SIN3A: variants seen among roughly 807,000 people sequenced by gnomAD.
The protein encoded by SIN3A is paired amphipathic helix protein Sin3a.
A neutral mutation model predicts 146.1 loss-of-function variants in SIN3A; 14 were observed. The observed-to-expected ratio is 0.10, with a 90% CI of 0.06 to 0.15. The LOEUF (loss-of-function observed/expected upper bound fraction) is 0.15. Among genes scored for constraint, SIN3A ranks in the 10% least tolerant of loss-of-function variants. The pLI is 1.00. For missense variants in SIN3A, 1,028 were observed against 1,576.0 expected (o/e 0.65, Z 5.89); for synonymous variants, 572 against 572.0 (o/e 1.00, Z 0.00).
intron 2 of SIN3A, among the ~76,000 whole-genome samples, chr15:75,423,784 G>A (rs1010726395): frequency 2.0e-5 from 3 of 152,114 alleles, no homozygotes; most frequent in Admixed American, 6.5e-5. Flanking sequence ...CTTGAGTTCA[G>A]GAGCTTGAGA....
chr15:75,396,504 G>C lies in SIN3A; in HGVS notation c.1855-8C>G, dbSNP rs375523683. 6.3e-7 allele frequency: 1 copy of C among 1,595,632 alleles called. No homozygotes were observed. The highest frequency in any genetic ancestry group is 1.3e-5 in the African/African-American group (1 of 74,448). Reference sequence around the variant, plus strand: ...CTCTAAAACTACATCAAGCTGAAGAGGAAGACAAAGAAGGGTATGCTCAGG... The same window carrying C: ...CTCTAAAACTACATCAAGCTGAAGACGAAGACAAAGAAGGGTATGCTCAGG... On this transcript the variant is annotated splice_polypyrimidine_tract_variant and splice_region_variant and intron_variant, in intron 12 of 20. Coordinates refer to ENST00000394947, the MANE Select transcript of SIN3A (RefSeq NM_001145358.2).
intron 12 of SIN3A, 57 bp downstream of exon 12, chr15:75,399,983 T>C (rs1009865940): frequency 1.1e-6 from 1 of 926,696 alleles, no homozygotes; most frequent in Non-Finnish European, 1.8e-6. Flanking sequence ...CAGGTACTGA[T>C]AGTCTCACTG....
At chr15:75,411,380 A>C (rs1327906832) in intron 6 of SIN3A, 112 bp downstream of exon 6, 1 of 1,160,270 alleles carries the variant, frequency 8.6e-7, no homozygotes, top group East Asian at 2.4e-5. Context: ...GATAGTTTCT[A>C]ACTGGTTAAT....
Position 75,400,950 on chromosome 15 carries a change from C to T in SIN3A, c.1527-10G>A, listed in dbSNP as rs1481681271. Reference sequence around the variant, plus strand: ...CAACTCAGGGAATTTCCTGAAGAATCAAACCAAAAAGTGACAAGCAATTAG... The same window carrying T: ...CAACTCAGGGAATTTCCTGAAGAATTAAACCAAAAAGTGACAAGCAATTAG... On this transcript the variant is annotated splice_polypyrimidine_tract_variant and intron_variant, in intron 10 of 20. Coordinates refer to ENST00000394947, the MANE Select transcript of SIN3A (RefSeq NM_001145358.2). 1 of 1,602,320 alleles carries T rather than the reference C, an allele frequency of 6.2e-7. No individual in the cohort carries two copies. The highest frequency in any genetic ancestry group is 1.1e-5 in the South Asian group (1 of 90,742).
chr15:75,383,223 G>T (rs563192091), intron 17 of SIN3A, among the ~76,000 whole-genome samples: 10 of 148,354 alleles, frequency 6.7e-5, no homozygotes, highest in African/African-American at 2.5e-4. Context: ...AGTGAACCAA[G>T]ATTGCGCCAC....
intron 1 of SIN3A, among the ~76,000 whole-genome samples, chr15:75,442,932 C>CAAAAA (rs34555614): frequency 1.2e-5 from 1 of 84,490 alleles, no homozygotes; most frequent in Non-Finnish European, 2.4e-5. Context: ...AACTCTGTCT[C>CAAAAA]AAAAAAAAAA....
At chr15:75,405,441 T>A (rs751433085) in intron 9 of SIN3A, among the ~76,000 whole-genome samples, 2 of 150,490 alleles carry the variant, frequency 1.3e-5, no homozygotes, top group Non-Finnish European at 3.0e-5. Flanking sequence ...TCAAGTTCAA[T>A]TGTCTAATTA....
chr15:75,406,127 G>T (rs565565713), intron 9 of SIN3A, among the ~76,000 whole-genome samples: 1 of 152,184 alleles, frequency 6.6e-6, no homozygotes, highest in Non-Finnish European at 1.5e-5. Flanking sequence ...GATCAATCCA[G>T]GTTGATTCCT....
Position 75,412,909 on chromosome 15 carries a change from T to G in SIN3A, c.610A>C (p.Thr204Pro). ...GGAATCTGATGAACCTGGCCAGGAGTTGTCACATTCACCATGTCATTGGTT... is the reference window on the plus strand; with the variant it reads ...GGAATCTGATGAACCTGGCCAGGAGGTGTCACATTCACCATGTCATTGGTT... ...VQTNDMVNVTTPGQVHQIPTH... is the reference protein window; with the variant it reads ...VQTNDMVNVTPPGQVHQIPTH... Residue 204 changes from threonine (T) to proline (P), a missense_variant, in exon 5 of 21, where the codon ACT (threonine) becomes CCT (proline). Transcript: ENST00000394947. The G allele has an allele frequency of 1.2e-6, 2 of 1,613,460 alleles. No homozygotes were observed. Among genetic ancestry groups the G allele is most frequent in the Non-Finnish European group, 1.7e-6 (2 of 1,179,822 alleles).
chr15:75,380,926 G>C (rs2072952486), intron 18 of SIN3A: 2 of 512,676 alleles, frequency 3.9e-6, no homozygotes, highest in Admixed American at 3.0e-5. Context: ...ATACTGCTAA[G>C]TTTCTGAGGT....
At chr15:75,399,641 G>GA (rs1424425355) in intron 12 of SIN3A, among the ~76,000 whole-genome samples, 1 of 152,252 alleles carries the variant, frequency 6.6e-6, no homozygotes, top group African/African-American at 2.4e-5. Context: ...ACCATGGCAA[G>GA]ATACTTGCTA....
At chr15:75,415,723 T>C (rs954464063) in intron 3 of SIN3A, among the ~76,000 whole-genome samples, 2 of 151,836 alleles carry the variant, frequency 1.3e-5, no homozygotes, top group East Asian at 1.9e-4. Context: ...TGGTGGCGCA[T>C]GTCTGTAATG....
chr15:75,412,869 T>A lies in SIN3A; in HGVS notation c.650A>T (p.Gln217Leu). ...TTGGGGTGGTGGTTGAGGCTGTGGC[T>A]GGATGCCATGGGTGGGAATCTGATG... ...QVHQIPTHGIQPQPQPPPQHP... is the reference protein window; with the variant it reads ...QVHQIPTHGILPQPQPPPQHP... Residue 217 changes from glutamine (Q) to leucine (L), a missense_variant, in exon 5 of 21, where the codon CAG becomes CTG. Around this residue, in one of 9 missense-constraint regions of SIN3A, gnomAD observed 112 missense variants for 135.7 expected, o/e 0.83. Coordinates refer to ENST00000394947, the MANE Select transcript of SIN3A (RefSeq NM_001145358.2). The A allele has an allele frequency of 6.2e-7, 1 of 1,613,576 alleles. No homozygotes were observed. Among genetic ancestry groups the A allele is most frequent in the Non-Finnish European group, 8.5e-7 (1 of 1,179,774 alleles).
intron 6 of SIN3A, among the ~76,000 whole-genome samples, chr15:75,411,136 A>T (rs1293396359): frequency 1.3e-5 from 2 of 152,126 alleles, no homozygotes; most frequent in African/African-American, 2.4e-5. Flanking sequence ...AGACCAGCCT[A>T]GCCAACATAG....
chr15:75,411,713 T>C lies in SIN3A; in HGVS notation c.787A>G (p.Ser263Gly), dbSNP rs1322810352. The part of the protein sequence containing the change: ...PSQLQAHTPA[S>G]QQTPPLPPYA... The stretch of plus-strand genomic sequence containing the variant: ...GGTGGAAGTGGGGGAGTCTGCTGAC[T>C]GGCCGGAGTATGTGCTTGCAGTTGG... Residue 263 changes from serine (S) to glycine (G), a missense_variant, in exon 6 of 21, where the codon AGT becomes GGT. Coordinates refer to ENST00000394947, the MANE Select transcript of SIN3A (RefSeq NM_001145358.2). 2.5e-6 allele frequency: 4 copies of C among 1,610,292 alleles called. No homozygotes were observed. Among genetic ancestry groups the C allele is most frequent in the Non-Finnish European group, 3.4e-6 (4 of 1,177,324 alleles).
chr15:75,374,400 A>G (rs1869965750), intron 20 of SIN3A, among the ~76,000 whole-genome samples: 1 of 152,254 alleles, frequency 6.6e-6, no homozygotes, highest in Non-Finnish European at 1.5e-5. Context: ...ATAAATGCAT[A>G]AAGTCTACAA....
Position 75,392,675 on chromosome 15 carries a change from C to T in SIN3A, c.2418G>A (p.Lys806=). 6.2e-7 allele frequency: 1 copy of T among 1,614,160 alleles called. No homozygotes were observed. The highest frequency in any genetic ancestry group is 8.5e-7 in the Non-Finnish European group (1 of 1,180,024). The change falls in exon 15 of 21, where the codon AAG becomes AAA. Residue 806 remains lysine (K), a synonymous_variant. Coordinates refer to ENST00000394947, the MANE Select transcript of SIN3A (RefSeq NM_001145358.2). The stretch of plus-strand genomic sequence containing the variant: ...TTTGTTTTATCTTATATTTGTCCTC[C>T]TTCTGAATGCCTGTCTGCCTCTTCA... The part of the protein sequence containing the change: ...HHVKRQTGIQ[K]EDKYKIKQIM...
intron 1 of SIN3A, among the ~76,000 whole-genome samples, chr15:75,435,830 G>C (rs757255254): frequency 1.4e-4 from 22 of 151,906 alleles, no homozygotes; most frequent in Non-Finnish European, 2.9e-4. Context: ...AATTTGCATT[G>C]AAAGAAAAAT....
At chr15:75,414,332 A>C in intron 3 of SIN3A, 21 bp from the exon 4 acceptor site, 3 of 1,335,630 alleles carry the variant, frequency 2.2e-6, no homozygotes, top group Non-Finnish European at 2.0e-6. Flanking sequence ...GATAAATATC[A>C]AGGTTATAAA....
Sources: allele counts gnomAD v4.1 joint callset (sites outside exome capture counted in the v4.1 genomes callset), GRCh38; gene constraint gnomAD v4.1.1; regional missense constraint gnomAD v4.1.1; transcripts MANE v1.5; gene names NCBI Gene and HGNC (gene_info 2026-07-23, HGNC 2026-07-21).